RANBP17: variants seen among roughly 807,000 people sequenced by gnomAD.
The protein encoded by RANBP17 is RAN binding protein 17.
In RANBP17, 158 loss-of-function variants were observed where a neutral mutation model predicts 141.2. The ratio of observed to expected loss-of-function variants is 1.12; its 90% CI spans 0.98 to 1.28. The LOEUF (loss-of-function observed/expected upper bound fraction) is 1.28, where lower values mean the gene tolerates loss of function less well. RANBP17 is among the 50% of genes most tolerant of loss of function. The pLI is 0.00. For synonymous variants in RANBP17, 430 were observed against 450.0 expected (o/e 0.96, Z 0.56); for missense variants, 1,438 against 1,290.7 (o/e 1.11, Z -1.75).
chr5:171,016,147 C>T (rs1177519318), intron 14 of RANBP17, among the ~76,000 whole-genome samples: 1 of 151,484 alleles, frequency 6.6e-6, no homozygotes, highest in Non-Finnish European at 1.5e-5. Context: ...CAGGGCTCAC[C>T]CTTGTGTCCT....
chr5:171,007,307 C>T (rs1203537087), intron 14 of RANBP17, among the ~76,000 whole-genome samples: 3 of 152,014 alleles, frequency 2.0e-5, no homozygotes, highest in Admixed American at 1.3e-4. Flanking sequence ...AGGAAATTGT[C>T]GGGCAGTGGG....
At chr5:171,049,235 T>C (rs1782794957) in intron 14 of RANBP17, among the ~76,000 whole-genome samples, 1 of 152,226 alleles carries the variant, frequency 6.6e-6, no homozygotes, top group Non-Finnish European at 1.5e-5. Flanking sequence ...TGATTAGTGA[T>C]GCTGAATATT....
chr5:171,190,053 A>AT (rs1761525863), intron 18 of RANBP17, among the ~76,000 whole-genome samples: 1 of 152,210 alleles, frequency 6.6e-6, no homozygotes, highest in East Asian at 1.9e-4. Flanking sequence ...AGAAAAAAAA[A>AT]CACCTACTTT....
At chr5:170,966,596 G>A (rs1776583445) in intron 13 of RANBP17, among the ~76,000 whole-genome samples, 1 of 152,008 alleles carries the variant, frequency 6.6e-6, no homozygotes, top group East Asian at 1.9e-4. Flanking sequence ...CATACTGAAT[G>A]GGCAAAAACT....
At chr5:170,885,712 T>C (rs983090375) in intron 3 of RANBP17, among the ~76,000 whole-genome samples, 3 of 152,170 alleles carry the variant, frequency 2.0e-5, no homozygotes, top group African/African-American at 4.8e-5. Flanking sequence ...ATTAAATAAG[T>C]GTTGTTTTGT....
rs35762251 is a variant in RANBP17, at chr5:171,267,026, C to CTTTTTTT, written c.2943+1193_2943+1199dup. On this transcript the variant is annotated intron_variant, in intron 25 of 27. Coordinates refer to ENST00000523189, the MANE Select transcript of RANBP17 (RefSeq NM_022897.5). ...CTATACCATCACTATATTTTCTTTT[C>CTTTTTTT]TTTTTTTTTTTTTTTTTTTTGAGAC... Among the ~76,000 whole-genome samples the CTTTTTTT allele has an allele frequency of 2.8e-3, 317 of 114,616 alleles. 3 individuals are homozygous for CTTTTTTT. Among genetic ancestry groups the CTTTTTTT allele is most frequent in the African/African-American group, 0.01 (270 of 26,922 alleles). The allele number at this position is 114,616 out of a possible 152,430, so 75.2% of individuals were successfully genotyped here.
intron 14 of RANBP17, among the ~76,000 whole-genome samples, chr5:171,045,716 T>C (rs1782538565): frequency 6.6e-6 from 1 of 152,174 alleles, no homozygotes; most frequent in Non-Finnish European, 1.5e-5. Context: ...ACAGTAAAAT[T>C]CACATTTCCA....
At chr5:170,989,352 T>A (rs1778353276) in intron 14 of RANBP17, among the ~76,000 whole-genome samples, 2 of 151,750 alleles carry the variant, frequency 1.3e-5, no homozygotes, top group Admixed American at 1.3e-4. Context: ...ATGGCTTGAG[T>A]ATCATTTGGA....
chr5:170,997,430 T>C (rs915731958), intron 14 of RANBP17, among the ~76,000 whole-genome samples: 2 of 152,174 alleles, frequency 1.3e-5, no homozygotes, highest in African/African-American at 2.4e-5. Context: ...GCACTTCTGG[T>C]AATTTTGAGA....
intron 14 of RANBP17, among the ~76,000 whole-genome samples, chr5:171,008,339 C>T (rs1243890367): frequency 2.0e-5 from 3 of 152,186 alleles, no homozygotes; most frequent in Non-Finnish European, 4.4e-5. Flanking sequence ...AGGTGGATCT[C>T]TTCACGGAGT....
rs942913305 is a variant in RANBP17 at position 170,862,132 on chromosome 5, G to C, written c.18+81G>C. On this transcript the variant is annotated intron_variant, in intron 1 of 27. Transcript: ENST00000523189. ...ACGCGTCTGGAGACCGAGGGCCGAGGACAGCGGCGGAGGCCGCAGGGCCGT... is the reference window on the plus strand; with the variant it reads ...ACGCGTCTGGAGACCGAGGGCCGAGCACAGCGGCGGAGGCCGCAGGGCCGT... 4.5e-5 allele frequency: 61 copies of C among 1,344,604 alleles called. No homozygotes were observed. In the African/African-American group the frequency reaches 8.8e-4, roughly 19 times the overall value. The allele number at this position is 1,344,604 out of a possible 1,614,324, so 83.3% of individuals were successfully genotyped here.
At chr5:171,017,942 G>C (rs1251167763) in intron 14 of RANBP17, among the ~76,000 whole-genome samples, 1 of 152,144 alleles carries the variant, frequency 6.6e-6, no homozygotes, top group Admixed American at 6.5e-5. Context: ...AAGGTGTAAG[G>C]AAGGGGTCCG....
chr5:171,019,859 T>G (rs769554929), intron 14 of RANBP17, among the ~76,000 whole-genome samples: 1 of 152,178 alleles, frequency 6.6e-6, no homozygotes, highest in Non-Finnish European at 1.5e-5. Flanking sequence ...GTTTTAATTA[T>G]GATGTTAGGA....
intron 14 of RANBP17, among the ~76,000 whole-genome samples, chr5:170,999,753 C>A (rs1198317949): frequency 1.3e-5 from 2 of 152,126 alleles, no homozygotes; most frequent in Non-Finnish European, 2.9e-5. Flanking sequence ...AAATATACAA[C>A]ATAAAATTTA....
intron 18 of RANBP17, among the ~76,000 whole-genome samples, chr5:171,188,943 A>T (rs1761447944): frequency 6.6e-6 from 1 of 152,196 alleles, no homozygotes; most frequent in South Asian, 2.1e-4. Context: ...GAGGTATGAG[A>T]AACTGAAATA....
At chr5:170,879,897 G>A (rs1261315539) in intron 2 of RANBP17, among the ~76,000 whole-genome samples, 1 of 152,106 alleles carries the variant, frequency 6.6e-6, no homozygotes, top group Non-Finnish European at 1.5e-5. Context: ...AGTGAATGAA[G>A]TCCACTGTTA....
intron 24 of RANBP17, among the ~76,000 whole-genome samples, chr5:171,254,717 G>A (rs972088133): frequency 3.3e-5 from 5 of 152,070 alleles, no homozygotes; most frequent in East Asian, 1.9e-4. Flanking sequence ...GACAGTAGCC[G>A]AATGTAACTT....
In RANBP17 at chr5:170,916,578, C is replaced by T. The variant is rs779577685; in HGVS notation, c.948C>T (p.Asn316=). 1 of 1,547,672 alleles carries T rather than the reference C, an allele frequency of 6.5e-7. No homozygotes were observed. The highest frequency in any genetic ancestry group is 8.8e-7 in the Non-Finnish European group (1 of 1,139,446). Residue 316 remains asparagine, a synonymous_variant, in exon 9 of 28, where the codon AAC becomes AAT. Coordinates refer to ENST00000523189, the MANE Select transcript of RANBP17 (RefSeq NM_022897.5). The stretch of plus-strand genomic sequence containing the variant: ...AGGGAGTAAAAAGGATACTTGAAAA[C>T]CCTCAGGTATTTATGAAGTAATTTA... ...LIKGVKRILE[N]PQGLSDPGNY... is the part of the protein sequence containing the mutation.
intron 14 of RANBP17, among the ~76,000 whole-genome samples, chr5:171,055,775 G>C (rs1038610757): frequency 7.4e-5 from 11 of 148,330 alleles, no homozygotes; most frequent in Non-Finnish European, 4.4e-5. Context: ...TTCCCAAGGG[G>C]CTTTTATTGG....
Sources: gnomAD v4.1 joint callset for allele counts (sites outside exome capture counted in the v4.1 genomes callset) on GRCh38, gnomAD v4.1.1 for gene constraint, MANE v1.5 for transcripts, NCBI Gene and HGNC (gene_info 2026-07-23, HGNC 2026-07-21) for gene names.